ANKRD42: variants seen among roughly 807,000 people sequenced by gnomAD.
ANKRD42 encodes the protein ankyrin repeat domain 42.
A neutral mutation model predicts 51.5 loss-of-function variants in ANKRD42; 43 were observed. The ratio of observed to expected loss-of-function variants is 0.83; its 90% CI spans 0.65 to 1.08. The LOEUF (loss-of-function observed/expected upper bound fraction) is 1.08, where lower values mean the gene tolerates loss of function less well. ANKRD42 is among the 50% of genes least tolerant of loss of function. The pLI is 0.00. For missense variants in ANKRD42, 608 were observed against 629.3 expected, an observed-to-expected ratio of 0.97 and a Z score of 0.36; for synonymous variants, 203 against 213.0, an observed-to-expected ratio of 0.95 and a Z score of 0.41.
chr11:83,231,687 T>C (rs1486293267), intron 7 of ANKRD42, among the ~76,000 whole-genome samples: 1 of 152,352 alleles, frequency 6.6e-6, no homozygotes, highest in African/African-American at 2.4e-5. Flanking sequence ...TAGTTTGAGG[T>C]CCTAGATTTA....
At chr11:83,256,069 T>C (rs1272811860) in exon 12 of ANKRD42, 13 of 604,028 alleles carry the variant, frequency 2.2e-5, no homozygotes, top group Non-Finnish European at 1.9e-5. Flanking sequence ...AGAAATGTTA[T>C]ATTAAAGAGA....
rs567666674 is a variant in ANKRD42, at chr11:83,195,479, ATC to A, written c.58+756_58+757del. Reference sequence around the variant, plus strand: ...CGTAACACTGAGACCTGAATTCCGTATCTCTCCTCGGAGCTGCAAACATATAT... The same window carrying A: ...CGTAACACTGAGACCTGAATTCCGTATCTCCTCGGAGCTGCAAACATATAT... On this transcript the variant is annotated intron_variant, in intron 1 of 10. Transcript: ENST00000533342. 3.8e-4 allele frequency among the ~76,000 whole-genome samples: 58 copies of A among 152,294 alleles called. 1 individual carries two copies. The South Asian group carries it at 1.0e-2, about 26-fold the overall frequency.
chr11:83,202,900 A>T (rs544242227), intron 2 of ANKRD42, among the ~76,000 whole-genome samples: 83 of 151,856 alleles, frequency 5.5e-4, no homozygotes, highest in African/African-American at 2.0e-3. Context: ...AATGTTTCTC[A>T]TGTTGCTGAA....
chr11:83,232,176 T>A (rs2135539056), intron 7 of ANKRD42, among the ~76,000 whole-genome samples: 1 of 152,054 alleles, frequency 6.6e-6, no homozygotes, highest in African/African-American at 2.4e-5. Context: ...AATCTGTAGA[T>A]TGTTTTGAGT....
At chr11:83,204,238 C>T (rs1409189160) in intron 2 of ANKRD42, among the ~76,000 whole-genome samples, 1 of 152,168 alleles carries the variant, frequency 6.6e-6, no homozygotes, top group African/African-American at 2.4e-5. Context: ...CCACTGCACC[C>T]AGCCGGTCAA....
intron 5 of ANKRD42, chr11:83,212,878 A>AT: frequency 7.0e-7 from 1 of 1,433,534 alleles, no homozygotes; most frequent in Non-Finnish European, 9.1e-7. Flanking sequence ...TTTTGTTCTC[A>AT]TTCTTTTTAC....
At chr11:83,228,954 T>TG (rs1491284522) in intron 7 of ANKRD42, among the ~76,000 whole-genome samples, 17 of 27,920 alleles carry the variant, frequency 6.1e-4, no homozygotes, top group African/African-American at 1.1e-3. Context: ...TTTTTTTTTG[T>TG]TTTTTTTTTA....
intron 1 of ANKRD42, among the ~76,000 whole-genome samples, chr11:83,198,145 T>A (rs1590957850): frequency 6.6e-6 from 1 of 152,220 alleles, no homozygotes; most frequent in African/African-American, 2.4e-5. Flanking sequence ...TTCTACCACT[T>A]TATGGCTCCA....
At chr11:83,218,352 G>A (rs1457851122) in intron 5 of ANKRD42, among the ~76,000 whole-genome samples, 1 of 152,008 alleles carries the variant, frequency 6.6e-6, no homozygotes, top group African/African-American at 2.4e-5. Context: ...TTTCCTCCAG[G>A]GTCATTCGAT....
chr11:83,211,673 T>C (rs1223741384), intron 5 of ANKRD42, among the ~76,000 whole-genome samples: 2 of 151,592 alleles, frequency 1.3e-5, no homozygotes, highest in Non-Finnish European at 2.9e-5. Context: ...AAGCTGGGTA[T>C]TGTGGTGTGT....
At chr11:83,209,656 T>C in intron 3 of ANKRD42, 1 of 800,814 alleles carries the variant, frequency 1.2e-6, no homozygotes, top group Non-Finnish European at 2.3e-6. Context: ...AAGCTGCTTT[T>C]CAGCCTCAAG....
chr11:83,209,301 A>G (rs1429645823), intron 3 of ANKRD42: 2 of 734,852 alleles, frequency 2.7e-6, no homozygotes, highest in Non-Finnish European at 4.9e-6. Context: ...GGCAATGTTA[A>G]AACATTTTCT....
rs183843838 is a variant in ANKRD42, at chr11:83,219,368, A to C, written c.587-5487A>C. On this transcript the variant is annotated intron_variant, in intron 5 of 10. Coordinates refer to ENST00000533342, the MANE Select transcript of ANKRD42 (RefSeq NM_001300975.2). ...GCGTCTTACCTATTCCAGGGTGGCA[A>C]GGCCTGGGTCGGGGGCACCACTGAT... Among the ~76,000 whole-genome samples, 59 of 152,328 alleles carry C rather than the reference A, an allele frequency of 3.9e-4. No individual in the cohort carries two copies. The East Asian group carries it at 0.011, about 28-fold the overall frequency.
chr11:83,197,892 G>A (rs1431686882), intron 1 of ANKRD42, among the ~76,000 whole-genome samples: 1 of 152,152 alleles, frequency 6.6e-6, no homozygotes, highest in Non-Finnish European at 1.5e-5. Flanking sequence ...TTTTTCACTA[G>A]GGAGGCCTTT....
At position 83,210,342 on chromosome 11, in the gene ANKRD42, C is replaced by T. The variant is rs764888146; in HGVS notation, c.373C>T (p.Arg125Trp). ...AGCAAATCTGACAGCCCAGGATGAC[C>T]GGGGATGCACTCCTTTACATCTTGC... ...NGANLTAQDD[R>W]GCTPLHLAAT... Residue 125 changes from arginine to tryptophan, a missense_variant, in exon 4 of 11, where the codon CGG (arginine) becomes TGG (tryptophan). Physicochemically the swap from Arg to Trp is moderately radical, Grantham distance 101. Coordinates refer to ENST00000533342, the MANE Select transcript of ANKRD42 (RefSeq NM_001300975.2). 20 of 1,613,752 alleles carry T rather than the reference C, an allele frequency of 1.2e-5. No individual in the cohort carries two copies. The highest frequency in any genetic ancestry group is 6.6e-5 in the South Asian group (6 of 91,082).
At chr11:83,253,212 T>C (rs1003995088), downstream of ANKRD42, among the ~76,000 whole-genome samples, 8 of 152,248 alleles carry the variant, frequency 5.3e-5, no homozygotes, top group African/African-American at 1.9e-4. Context: ...TCAGTGAGTT[T>C]ATCCATGTTC....
chr11:83,203,193 C>T (rs560224871), intron 2 of ANKRD42, among the ~76,000 whole-genome samples: 15 of 151,738 alleles, frequency 9.9e-5, no homozygotes, highest in Admixed American at 3.9e-4. Flanking sequence ...TGGGGTTTCA[C>T]CACGTGGGCC....
At chr11:83,260,098 T>A (rs1252506628), downstream of ANKRD42, 1 of 152,220 alleles carries the variant, frequency 6.6e-6, no homozygotes, top group African/African-American at 2.4e-5. Flanking sequence ...GCAGAGTGGA[T>A]AAGGGGATGA....
chr11:83,221,489 G>C (rs1862715467), intron 5 of ANKRD42, among the ~76,000 whole-genome samples: 1 of 152,130 alleles, frequency 6.6e-6, no homozygotes, highest in Non-Finnish European at 1.5e-5. Flanking sequence ...AGTTTTTCCA[G>C]TCTTCTCTGT....
Sources: gnomAD v4.1 joint callset for allele counts (sites outside exome capture counted in the v4.1 genomes callset) on GRCh38, gnomAD v4.1.1 for gene constraint, MANE v1.5 for transcripts, NCBI Gene and HGNC (gene_info 2026-07-23, HGNC 2026-07-21) for gene names.